EIPR1: variants seen among roughly 807,000 people sequenced by gnomAD.
The protein encoded by EIPR1 is EARP and GARP complex-interacting protein 1.
In EIPR1, 25 loss-of-function variants were observed where a neutral mutation model predicts 48.1. That is an observed-to-expected ratio of 0.52 (90% CI 0.38 to 0.73). The LOEUF (loss-of-function observed/expected upper bound fraction) is 0.73, where lower values mean the gene tolerates loss of function less well. EIPR1 is among the 30% of genes least tolerant of loss of function. The pLI, the probability that EIPR1 is intolerant of heterozygous loss-of-function variation, is 0.00. For missense variants in EIPR1, 415 were observed against 506.2 expected (o/e 0.82, Z 1.73); for synonymous variants, 204 against 201.9 (o/e 1.01, Z -0.09).
intron 6 of EIPR1, among the ~76,000 whole-genome samples, chr2:3,194,712 G>A (rs767531838): frequency 2.0e-5 from 3 of 151,844 alleles, no homozygotes; most frequent in African/African-American, 7.3e-5. Context: ...GGGCAGTGGG[G>A]AAGGCCATGG....
intron 5 of EIPR1, among the ~76,000 whole-genome samples, chr2:3,199,069 CCCG>C (rs752002449): frequency 0.018 from 927 of 52,536 alleles, 309 homozygotes; most frequent in South Asian, 0.037. Flanking sequence ...GGGCCCCCCC[CCCG>C]CCCCGGGAAT....
chr2:3,294,132 G>A (rs1163017569), intron 3 of EIPR1, among the ~76,000 whole-genome samples: 1 of 152,114 alleles, frequency 6.6e-6, no homozygotes, highest in Non-Finnish European at 1.5e-5. Context: ...TTGTGTAGAA[G>A]TAATATTGTT....
At chr2:3,346,373 CTGAAA>C (rs763785871) in intron 2 of EIPR1, among the ~76,000 whole-genome samples, 1 of 152,204 alleles carries the variant, frequency 6.6e-6, no homozygotes, top group Non-Finnish European at 1.5e-5. Context: ...CAATGTTTGT[CTGAAA>C]ATGTAATAGA....
intron 5 of EIPR1, among the ~76,000 whole-genome samples, chr2:3,210,627 CTTTTTT>C (rs56963007): frequency 1.0e-4 from 12 of 118,418 alleles, no homozygotes; most frequent in Admixed American, 3.8e-4. Context: ...CCTCCCAATT[CTTTTTT>C]TTTTTTTTTT....
chr2:3,350,445 C>T (rs1195571737), intron 2 of EIPR1, among the ~76,000 whole-genome samples: 1 of 152,114 alleles, frequency 6.6e-6, no homozygotes, highest in East Asian at 1.9e-4. Context: ...CTGGGGATTA[C>T]AATTTAACAT....
At chr2:3,225,271 G>C (rs1290403534) in intron 4 of EIPR1, among the ~76,000 whole-genome samples, 1 of 88,908 alleles carries the variant, frequency 1.1e-5, no homozygotes, top group Non-Finnish European at 2.5e-5. Flanking sequence ...TGTATGACAG[G>C]GTATTGCTTT....
At chr2:3,195,973 C>A (rs1354423690) in intron 6 of EIPR1, among the ~76,000 whole-genome samples, 1 of 152,180 alleles carries the variant, frequency 6.6e-6, no homozygotes, top group Admixed American at 6.5e-5. Flanking sequence ...TACTGAAATT[C>A]TTCACATCCT....
At chr2:3,301,976 T>C (rs1377770348) in intron 3 of EIPR1, among the ~76,000 whole-genome samples, 1 of 152,170 alleles carries the variant, frequency 6.6e-6, no homozygotes, top group Non-Finnish European at 1.5e-5. Context: ...AGGACCACCA[T>C]GAGGGCTCTG....
At chr2:3,235,119 C>T (rs1666359594) in intron 4 of EIPR1, among the ~76,000 whole-genome samples, 1 of 152,246 alleles carries the variant, frequency 6.6e-6, no homozygotes, top group African/African-American at 2.4e-5. Flanking sequence ...ACATCAAAAA[C>T]TCTGGAAGAT....
intron 2 of EIPR1, among the ~76,000 whole-genome samples, chr2:3,349,487 GC>G (rs750425194): frequency 2.4e-4 from 37 of 152,376 alleles, no homozygotes; most frequent in Non-Finnish European, 4.6e-4. Context: ...GCAAACAGCA[GC>G]CAAAGAACTG....
At chr2:3,295,803 A>C (rs1341007967) in intron 3 of EIPR1, among the ~76,000 whole-genome samples, 230 of 27,040 alleles carry the variant, frequency 8.5e-3, no homozygotes, top group East Asian at 0.012. Context: ...CCTCTCTACA[A>C]ACACGCCCTC....
In EIPR1 at chr2:3,208,796, A is replaced by G. The variant is rs1479829066; in HGVS notation, c.516+5353T>C. On this transcript the variant is annotated intron_variant, in intron 5 of 8. Transcript: ENST00000382125. ...TTCTTCCTTGAGTGAGGCTCGTGGC[A>G]GGTCCTCCTTCTGTGAGTGAGGCCC... The G allele has an allele frequency of 3.1e-5, 48 of 1,547,826 alleles. No individual in the cohort carries two copies. In the African/African-American group the frequency reaches 6.2e-4, roughly 20 times the overall value.
At chr2:3,309,470 T>C (rs572609094) in intron 3 of EIPR1, among the ~76,000 whole-genome samples, 56 of 152,254 alleles carry the variant, frequency 3.7e-4, no homozygotes, top group Non-Finnish European at 6.9e-4. Flanking sequence ...AATAACAACA[T>C]GGCGGAGTTA....
At chr2:3,339,174 T>C (rs1267876200) in intron 2 of EIPR1, among the ~76,000 whole-genome samples, 1 of 152,210 alleles carries the variant, frequency 6.6e-6, no homozygotes. Context: ...TTTTGTTTTG[T>C]TTTGTTTTAA....
chr2:3,336,835 AG>A (rs1558306840), intron 3 of EIPR1, among the ~76,000 whole-genome samples: 1 of 145,592 alleles, frequency 6.9e-6, no homozygotes, highest in Non-Finnish European at 1.5e-5. Flanking sequence ...AGGGAAGGGA[AG>A]GGAAAGGAAG....
chr2:3,195,914 C>T (rs2103107390), intron 6 of EIPR1, among the ~76,000 whole-genome samples: 1 of 152,290 alleles, frequency 6.6e-6, no homozygotes, highest in African/African-American at 2.4e-5. Flanking sequence ...TTTTTGTTTG[C>T]TTATTTGTTT....
intron 5 of EIPR1, among the ~76,000 whole-genome samples, chr2:3,210,346 C>T (rs962106693): frequency 1.3e-5 from 2 of 152,154 alleles, no homozygotes; most frequent in African/African-American, 4.8e-5. Context: ...GCATCTCCCA[C>T]CCACATCTGT....
rs571994315 is a variant in EIPR1 at position 3,324,479 on chromosome 2, G to A, written c.259+13538C>T. Among the ~76,000 whole-genome samples, 12 of 152,342 alleles carry A rather than the reference G, an allele frequency of 7.9e-5. No homozygotes were observed. In the South Asian group the frequency reaches 8.3e-4, roughly 11 times the overall value. On this transcript the variant is annotated intron_variant, in intron 3 of 8. Coordinates refer to ENST00000382125, the MANE Select transcript of EIPR1 (RefSeq NM_003310.5). The stretch of plus-strand genomic sequence containing the variant: ...GCCCTCCAGGCTGGACTCCCAGGCC[G>A]TGGCCACATACGGGCCCTGCAGCTT...
At chr2:3,242,738 T>G (rs1278070687) in intron 4 of EIPR1, among the ~76,000 whole-genome samples, 1 of 152,252 alleles carries the variant, frequency 6.6e-6, no homozygotes, top group Non-Finnish European at 1.5e-5. Flanking sequence ...ATTATGTCAT[T>G]GCTTACCAGT....
Sources: gnomAD v4.1 joint callset for allele counts (sites outside exome capture counted in the v4.1 genomes callset) on GRCh38, gnomAD v4.1.1 for gene constraint, MANE v1.5 for transcripts, NCBI Gene and HGNC (gene_info 2026-07-23, HGNC 2026-07-21) for gene names.